SLC25A13: variants seen among roughly 807,000 people sequenced by gnomAD.
The protein encoded by SLC25A13 is solute carrier family 25 member 13, also known as electrogenic aspartate/glutamate antiporter SLC25A13, mitochondrial.
A neutral mutation model predicts 85.5 loss-of-function variants in SLC25A13; 70 were observed. That is an observed-to-expected ratio of 0.82 (90% CI 0.68 to 1.00). The LOEUF is 1.00. Among genes scored for constraint, SLC25A13 ranks in the 50% least tolerant of loss-of-function variants. The pLI, the probability that SLC25A13 is intolerant of heterozygous loss-of-function variation, is 0.00. For missense variants in SLC25A13, 765 were observed against 819.8 expected (o/e 0.93, Z 0.82); for synonymous variants, 259 against 288.7 (o/e 0.90, Z 1.04).
chr7:96,205,945 CA>C (rs397706103), intron 5 of SLC25A13, among the ~76,000 whole-genome samples: 7,532 of 130,176 alleles, frequency 0.058, 336 homozygotes, highest in African/African-American at 0.13. Context: ...TATTAAGTGA[CA>C]AAAAAAAAAA....
intron 1 of SLC25A13, among the ~76,000 whole-genome samples, chr7:96,306,079 T>C (rs967902084): frequency 6.6e-6 from 1 of 152,206 alleles, no homozygotes; most frequent in Non-Finnish European, 1.5e-5. Context: ...GACACCGTTA[T>C]GTCCATTTTA....
chr7:96,134,013 C>T (rs1351489582), intron 14 of SLC25A13, among the ~76,000 whole-genome samples: 2 of 150,882 alleles, frequency 1.3e-5, no homozygotes, highest in Non-Finnish European at 3.0e-5. Context: ...TTTAGCTTTT[C>T]TTTCATTTGT....
At chr7:96,297,802 C>A (rs910790396) in intron 1 of SLC25A13, among the ~76,000 whole-genome samples, 3 of 152,132 alleles carry the variant, frequency 2.0e-5, no homozygotes, top group Non-Finnish European at 4.4e-5. Context: ...CATAGGTCTC[C>A]AAAGGTATGA....
intron 3 of SLC25A13, among the ~76,000 whole-genome samples, chr7:96,255,686 C>G (rs923290889): frequency 2.6e-5 from 4 of 151,900 alleles, no homozygotes; most frequent in Admixed American, 2.0e-4. Context: ...AACCCTAACT[C>G]AAAATAATAA....
intron 5 of SLC25A13, among the ~76,000 whole-genome samples, chr7:96,205,781 C>T (rs1489173408): frequency 6.6e-6 from 1 of 152,194 alleles, no homozygotes; most frequent in Non-Finnish European, 1.5e-5. Context: ...GACATAGCAA[C>T]TCACCATGTA....
At chr7:96,130,465 C>T (rs1390391055) in intron 15 of SLC25A13, among the ~76,000 whole-genome samples, 1 of 152,144 alleles carries the variant, frequency 6.6e-6, no homozygotes, top group Admixed American at 6.5e-5. Flanking sequence ...CAGTTGTGAT[C>T]TCCATTTATA....
intron 12 of SLC25A13, 83 bp from the exon 13 acceptor site, chr7:96,170,208 T>C: frequency 2.4e-6 from 3 of 1,228,032 alleles, no homozygotes; most frequent in African/African-American, 1.5e-5. Context: ...TGTCAATATA[T>C]GCTATTTTTT....
At chr7:96,218,898 A>T (rs919294470) in intron 4 of SLC25A13, among the ~76,000 whole-genome samples, 5 of 152,194 alleles carry the variant, frequency 3.3e-5, no homozygotes, top group African/African-American at 1.2e-4. Context: ...TAAGGGAAGT[A>T]ATATTCCACC....
intron 5 of SLC25A13, among the ~76,000 whole-genome samples, chr7:96,206,317 G>GC (rs1171257909): frequency 6.6e-6 from 1 of 152,206 alleles, no homozygotes; most frequent in East Asian, 1.9e-4. Flanking sequence ...GCCTGACAAA[G>GC]CAAGAGCCTG....
intron 3 of SLC25A13, among the ~76,000 whole-genome samples, chr7:96,267,707 G>A (rs1210574243): frequency 6.6e-6 from 1 of 151,898 alleles, no homozygotes; most frequent in Non-Finnish European, 1.5e-5. Context: ...GCAGCTACTG[G>A]GGAGGCTGAA....
chr7:96,234,769 T>G (rs372692478), intron 4 of SLC25A13, 33 bp downstream of exon 4: 3 of 1,523,140 alleles, frequency 2.0e-6, no homozygotes, highest in Admixed American at 1.7e-5. Flanking sequence ...AAGTCCACAC[T>G]TACACAGACG....
At chr7:96,303,027 C>T (rs906585373) in intron 1 of SLC25A13, among the ~76,000 whole-genome samples, 2 of 152,166 alleles carry the variant, frequency 1.3e-5, no homozygotes, top group Non-Finnish European at 2.9e-5. Flanking sequence ...TTACAAAACC[C>T]AAACCATACC....
intron 4 of SLC25A13, among the ~76,000 whole-genome samples, chr7:96,222,182 T>C (rs1204231847): frequency 1.3e-5 from 2 of 152,212 alleles, no homozygotes; most frequent in African/African-American, 4.8e-5. Flanking sequence ...CGCTTCTCTA[T>C]AGTTACTAAA....
intron 2 of SLC25A13, among the ~76,000 whole-genome samples, chr7:96,291,346 C>T (rs1398140453): frequency 6.6e-6 from 1 of 152,128 alleles, no homozygotes; most frequent in South Asian, 2.1e-4. Context: ...AAAATTGACA[C>T]CCTAACATCA....
chr7:96,303,401 G>C (rs1799625680), intron 1 of SLC25A13, among the ~76,000 whole-genome samples: 1 of 152,118 alleles, frequency 6.6e-6, no homozygotes, highest in South Asian at 2.1e-4. Context: ...AGGAAACGGA[G>C]AGAGAAGGAG....
chr7:96,224,679 G>A lies in SLC25A13; in HGVS notation c.328+10123C>T, dbSNP rs754616508. Among the ~76,000 whole-genome samples, 5 of 152,322 alleles carry A rather than the reference G, an allele frequency of 3.3e-5. No individual in the cohort carries two copies. In the East Asian group the frequency reaches 9.6e-4, roughly 29 times the overall value. On this transcript the variant is annotated intron_variant, in intron 4 of 17. Transcript: ENST00000265631. ...ACACTGGTAACTCTAAGCCAGGTAC[G>A]TTCTCTTCCTTATTACTTTCCACCA...
intron 3 of SLC25A13, among the ~76,000 whole-genome samples, chr7:96,272,860 C>A (rs1471002870): frequency 2.6e-5 from 4 of 152,146 alleles, no homozygotes; most frequent in Non-Finnish European, 5.9e-5. Flanking sequence ...AAATCGCCAC[C>A]TTTTAAACAT....
chr7:96,181,394 G>A (rs1794415363), intron 11 of SLC25A13, among the ~76,000 whole-genome samples: 1 of 152,328 alleles, frequency 6.6e-6, no homozygotes, highest in Admixed American at 6.5e-5. Flanking sequence ...CAGCTGCGGG[G>A]GAGGCAAAGA....
chr7:96,176,524 A>G (rs1794229010), intron 11 of SLC25A13, among the ~76,000 whole-genome samples: 1 of 152,224 alleles, frequency 6.6e-6, no homozygotes, highest in African/African-American at 2.4e-5. Context: ...TACAGGGTAC[A>G]GTATTAATGT....
Sources: allele counts gnomAD v4.1 joint callset (sites outside exome capture counted in the v4.1 genomes callset), GRCh38; gene constraint gnomAD v4.1.1; transcripts MANE v1.5; gene names NCBI Gene and HGNC (gene_info 2026-07-23, HGNC 2026-07-21).